The following HIRA variants were observed in gnomAD, a reference collection of about 807,000 sequenced individuals.
HIRA encodes protein HIRA.
HIRA carries 13 observed loss-of-function variants against 126.6 expected under a neutral mutation model. The ratio of observed to expected loss-of-function variants is 0.10; its 90% CI spans 0.07 to 0.16. HIRA has a LOEUF of 0.16. HIRA is among the 10% of genes least tolerant of loss of function. The probability of loss-of-function intolerance (pLI) is 1.00; values close to 1 mark genes in which losing one functional copy is unlikely to be tolerated. For missense variants in HIRA, 834 were observed against 1,314.4 expected, an observed-to-expected ratio of 0.63 and a Z score of 5.65; for synonymous variants, 511 against 520.0, an observed-to-expected ratio of 0.98 and a Z score of 0.24.
At chr22:19,345,460 A>G (rs782445357) in intron 24 of HIRA, among the ~76,000 whole-genome samples, 6 of 152,126 alleles carry the variant, frequency 3.9e-5, no homozygotes, top group South Asian at 2.1e-4. Flanking sequence ...ACACAACTTA[A>G]TCACCACCTC....
chr22:19,352,863 G>GCACA (rs1183300748), intron 23 of HIRA, among the ~76,000 whole-genome samples: 2 of 152,242 alleles, frequency 1.3e-5, no homozygotes, highest in Non-Finnish European at 2.9e-5. Flanking sequence ...ACCTCTTCCA[G>GCACA]CACACCTGGC....
chr22:19,423,905 C>T (rs1379808980), intron 1 of HIRA, among the ~76,000 whole-genome samples: 1 of 152,194 alleles, frequency 6.6e-6, no homozygotes, highest in Non-Finnish European at 1.5e-5. Context: ...TTGGGTAAGG[C>T]TTGGGCAGAA....
At chr22:19,339,733 C>CT (rs1391949818) in intron 24 of HIRA, among the ~76,000 whole-genome samples, 1 of 151,752 alleles carries the variant, frequency 6.6e-6, no homozygotes, top group African/African-American at 2.4e-5. Flanking sequence ...TTCAAGACTA[C>CT]TATGAACACC....
intron 24 of HIRA, among the ~76,000 whole-genome samples, chr22:19,334,201 T>A (rs1227711355): frequency 6.6e-6 from 1 of 151,590 alleles, no homozygotes; most frequent in Non-Finnish European, 1.5e-5. Context: ...GGTCTCGATC[T>A]CCTGACCTTG....
Position 19,361,327 on chromosome 22 carries a change from T to C in HIRA, c.1995A>G (p.Leu665=). ...GACACATGGCCTCCTTCTCTGCGGT[T>C]AGGGCAGCTGGAGACTGGAAGAGCC... The part of the protein sequence containing the change: ...VSLSVQSPAA[L]TAEKEAMCLS... Residue 665 remains leucine, a synonymous_variant, in exon 17 of 25, where the codon CTA becomes CTG. Coordinates refer to ENST00000263208, the MANE Select transcript of HIRA (RefSeq NM_003325.4). 1 of 1,614,176 alleles carries C rather than the reference T, an allele frequency of 6.2e-7. No individual in the cohort carries two copies. Among genetic ancestry groups the C allele is most frequent in the East Asian group, 2.2e-5 (1 of 44,890 alleles).
Position 19,351,478 on chromosome 22 carries a change from A to ACAT in HIRA, c.2849-33_2849-32insATG. 1 of 1,463,588 alleles carries ACAT rather than the reference A, an allele frequency of 6.8e-7. No individual in the cohort carries two copies. Among genetic ancestry groups the ACAT allele is most frequent in the Admixed American group, 1.8e-5 (1 of 56,454 alleles). 90.7% of individuals were successfully genotyped at this position (1,463,588 alleles called of 1,614,324 possible). A position where few individuals can be genotyped will look rare whatever the true frequency, so the allele number is the denominator to read the frequency against. On this transcript the variant is annotated intron_variant, in intron 23 of 24. Transcript: ENST00000263208. This position sits in a 1 kb window ranked among gnomAD's most constrained non-coding sequence, Gnocchi z 4.8. ...ACAGAAAAACAAACAAACAACAACAACAAAAAACAAAACAGAAATAGGAAC... is the reference window on the plus strand; with the variant it reads ...ACAGAAAAACAAACAAACAACAACAACATCAAAAAACAAAACAGAAATAGGAAC...
intron 21 of HIRA, among the ~76,000 whole-genome samples, chr22:19,354,588 T>G (rs1228139615): frequency 6.6e-6 from 1 of 152,252 alleles, no homozygotes; most frequent in Non-Finnish European, 1.5e-5. Flanking sequence ...CTTCTCATCC[T>G]TGTGAAGAAG....
In HIRA at chr22:19,331,119, A is replaced by G; in HGVS notation, c.*321T>C. 1 of 1,270,226 alleles carries G rather than the reference A, an allele frequency of 7.9e-7. No homozygotes were observed. Among genetic ancestry groups the G allele is most frequent in the East Asian group, 4.8e-5 (1 of 20,746 alleles). The allele number at this position is 1,270,226 out of a possible 1,614,324, so 78.7% of individuals were successfully genotyped here. ...CATGGTGCCTGCAGCAGCAGGGGCTAGTGTCCACCTTGGGGCCGTGCTGGA... is the reference window on the plus strand; with the variant it reads ...CATGGTGCCTGCAGCAGCAGGGGCTGGTGTCCACCTTGGGGCCGTGCTGGA... On this transcript the variant is annotated 3_prime_UTR_variant, in exon 25 of 25. Transcript: ENST00000263208.
chr22:19,342,723 T>C (rs2088644803), intron 24 of HIRA, among the ~76,000 whole-genome samples: 1 of 152,310 alleles, frequency 6.6e-6, no homozygotes, highest in Non-Finnish European at 1.5e-5. Context: ...AGAACTACCA[T>C]TTGATCCAGC....
chr22:19,406,468 G>A (rs1469142641), intron 4 of HIRA, among the ~76,000 whole-genome samples: 1 of 152,184 alleles, frequency 6.6e-6, no homozygotes, highest in Non-Finnish European at 1.5e-5. Context: ...AGGAGCCAGA[G>A]GAGCATCAAT....
chr22:19,357,033 G>A lies in HIRA; in HGVS notation c.2253C>T (p.Ala751=), dbSNP rs782452522. The change falls in exon 19 of 25, where the codon GCC becomes GCT. Residue 751 remains alanine, a synonymous_variant. Coordinates refer to ENST00000263208, the MANE Select transcript of HIRA (RefSeq NM_003325.4). ...ACACTGACAGCATCCTTTTTTCACA[G>A]GCGACACACACCACGTCACTGAGAA... The part of the protein sequence containing the change: ...AAGSCDVVCV[A]CEKRMLSVFS... 1 of 1,614,110 alleles carries A rather than the reference G, an allele frequency of 6.2e-7. No individual in the cohort carries two copies. The highest frequency in any genetic ancestry group is 1.3e-5 in the African/African-American group (1 of 75,058).
rs187434409 is a variant in HIRA at position 19,341,113 on chromosome 22, C to T, written c.2938-9557G>A. Among the ~76,000 whole-genome samples the T allele has an allele frequency of 2.5e-4, 38 of 152,114 alleles. No homozygotes were observed. The East Asian group carries it at 5.4e-3, about 22-fold the overall frequency. On this transcript the variant is annotated intron_variant, in intron 24 of 24. Coordinates refer to ENST00000263208, the MANE Select transcript of HIRA (RefSeq NM_003325.4). Reference sequence around the variant, plus strand: ...GGCAGATCACTTGAGCCCAGGAGTTCGAAACCAGTCTGGGCAACATGGCGA... The same window carrying T: ...GGCAGATCACTTGAGCCCAGGAGTTTGAAACCAGTCTGGGCAACATGGCGA...
intron 24 of HIRA, among the ~76,000 whole-genome samples, chr22:19,338,420 A>G (rs868928510): frequency 6.8e-6 from 1 of 146,326 alleles, no homozygotes; most frequent in African/African-American, 2.5e-5. Flanking sequence ...AAAAAAAAAA[A>G]CCAACAAAAA....
chr22:19,385,717 G>A lies in HIRA; in HGVS notation c.1133C>T (p.Thr378Ile), dbSNP rs754121165. ...EEEKSRIHQS[T>I]YGKSLAIMTE... ...CATGATGGCTAGGCTCTTGCCATAG[G>A]TGGACTGGTGAATGCGGCTCTGGGG... is the stretch of plus-strand genomic sequence containing the variant. Residue 378 changes from threonine to isoleucine, a missense_variant, in exon 12 of 25, where the codon ACC (threonine) becomes ATC (isoleucine). Coordinates refer to ENST00000263208, the MANE Select transcript of HIRA (RefSeq NM_003325.4). The A allele has an allele frequency of 1.4e-5, 23 of 1,613,776 alleles. No homozygotes were observed. Among genetic ancestry groups the A allele is most frequent in the Non-Finnish European group, 1.8e-5 (21 of 1,179,928 alleles).
intron 17 of HIRA, among the ~76,000 whole-genome samples, chr22:19,360,012 A>G (rs1434072002): frequency 1.3e-5 from 2 of 152,210 alleles, no homozygotes; most frequent in Admixed American, 6.5e-5. Flanking sequence ...AACTGAGACT[A>G]AACTGGCAGG....
At chr22:19,336,453 A>G (rs916243784) in intron 24 of HIRA, among the ~76,000 whole-genome samples, 1 of 152,254 alleles carries the variant, frequency 6.6e-6, no homozygotes, top group African/African-American at 2.4e-5. Flanking sequence ...ACAGCAATTC[A>G]TAACAGAACA....
chr22:19,349,304 T>C (rs1485477513), intron 24 of HIRA, among the ~76,000 whole-genome samples: 2 of 151,952 alleles, frequency 1.3e-5, no homozygotes, highest in African/African-American at 4.8e-5. Flanking sequence ...GATTTCAGCA[T>C]GTTGGCCGGG....
chr22:19,409,279 ATTTCT>A (rs374081455), intron 2 of HIRA, among the ~76,000 whole-genome samples: 2 of 141,398 alleles, frequency 1.4e-5, no homozygotes, highest in South Asian at 2.3e-4. Flanking sequence ...TTTAGTAATG[ATTTCT>A]TTTCTTTTTT....
In HIRA at chr22:19,332,437, G is replaced by T. The variant is rs117952884; in HGVS notation, c.2938-881C>A. The stretch of plus-strand genomic sequence containing the variant: ...AACAGGGAGGCTCTGACACCAGAGT[G>T]CCATAGTCAGAACAGAGATGGTATG... On this transcript the variant is annotated intron_variant, in intron 24 of 24. Coordinates refer to ENST00000263208, the MANE Select transcript of HIRA (RefSeq NM_003325.4). Among the ~76,000 whole-genome samples the T allele has an allele frequency of 9.5e-3, 1,442 of 152,322 alleles. 11 individuals carry two copies. Among genetic ancestry groups the T allele is most frequent in the Non-Finnish European group, 0.016 (1,117 of 68,032 alleles).
Sources: allele counts gnomAD v4.1 joint callset (sites outside exome capture counted in the v4.1 genomes callset), GRCh38; gene constraint gnomAD v4.1.1; non-coding constraint Gnocchi (gnomAD v3.1); transcripts MANE v1.5; gene names NCBI Gene and HGNC (gene_info 2026-07-23, HGNC 2026-07-21).